Variants in NOL4 observed in about 807,000 individuals in gnomAD.
The protein encoded by NOL4 is nucleolar protein 4.
NOL4 carries 17 observed loss-of-function variants against 75.9 expected under a neutral mutation model. The ratio of observed to expected loss-of-function variants is 0.22; its 90% confidence interval spans 0.15 to 0.34. The LOEUF (loss-of-function observed/expected upper bound fraction) is 0.34, where lower values mean the gene tolerates loss of function less well. Among genes scored for constraint, NOL4 ranks in the 10% least tolerant of loss-of-function variants. The probability of loss-of-function intolerance (pLI) is 1.00; values close to 1 mark genes in which losing one functional copy is unlikely to be tolerated. For missense variants in NOL4, 614 were observed against 793.5 expected (o/e 0.77, Z 2.72); for synonymous variants, 292 against 289.9 (o/e 1.01, Z -0.07).
At chr18:33,855,998 C>A (rs534285823) in intron 10 of NOL4, among the ~76,000 whole-genome samples, 2 of 152,022 alleles carry the variant, frequency 1.3e-5, no homozygotes, top group South Asian at 2.1e-4. Context: ...AGTGTAAATT[C>A]TCTTTGAAAG....
At chr18:33,998,323 G>A (rs1005129518) in intron 6 of NOL4, among the ~76,000 whole-genome samples, 3 of 151,926 alleles carry the variant, frequency 2.0e-5, no homozygotes, top group African/African-American at 7.2e-5. Flanking sequence ...TGATGGAATG[G>A]GTTAGCCAAT....
At chr18:34,067,465 TAGG>T (rs1215315199) in intron 5 of NOL4, among the ~76,000 whole-genome samples, 2 of 152,062 alleles carry the variant, frequency 1.3e-5, no homozygotes, top group African/African-American at 2.4e-5. Context: ...TACTGTAGGA[TAGG>T]AAAAAATACA....
chr18:33,948,414 T>A (rs1410686448), intron 8 of NOL4, among the ~76,000 whole-genome samples: 1 of 152,026 alleles, frequency 6.6e-6, no homozygotes, highest in Non-Finnish European at 1.5e-5. Flanking sequence ...GTCCAGGTTA[T>A]ATACATATAT....
At chr18:33,911,030 A>C (rs2066365680) in intron 9 of NOL4, among the ~76,000 whole-genome samples, 1 of 152,088 alleles carries the variant, frequency 6.6e-6, no homozygotes, top group Admixed American at 6.6e-5. Flanking sequence ...TTGGGTGAGC[A>C]GGAATTTTAT....
At chr18:33,899,218 C>T (rs915498423) in intron 9 of NOL4, among the ~76,000 whole-genome samples, 1 of 152,060 alleles carries the variant, frequency 6.6e-6, no homozygotes, top group Non-Finnish European at 1.5e-5. Flanking sequence ...GCCTCCTAAG[C>T]CCCTCACTGG....
chr18:33,988,578 C>A (rs562039702), intron 6 of NOL4, among the ~76,000 whole-genome samples: 1 of 152,004 alleles, frequency 6.6e-6, no homozygotes, highest in Admixed American at 6.6e-5. Context: ...AGCATTCCCC[C>A]ACTGATTACT....
chr18:33,969,651 AC>A (rs751684901), intron 6 of NOL4, among the ~76,000 whole-genome samples: 1 of 151,964 alleles, frequency 6.6e-6, no homozygotes, highest in Non-Finnish European at 1.5e-5. Flanking sequence ...TTACTCATTT[AC>A]CATTTTGTAT....
intron 3 of NOL4, 24 bp downstream of exon 3, chr18:34,105,025 C>T: frequency 7.1e-7 from 1 of 1,411,300 alleles, no homozygotes; most frequent in Non-Finnish European, 1.0e-6. Flanking sequence ...TACTTTAAAT[C>T]TCACTATTTG....
chr18:34,045,938 AC>A (rs2076343994), intron 5 of NOL4, among the ~76,000 whole-genome samples: 1 of 152,192 alleles, frequency 6.6e-6, no homozygotes, highest in South Asian at 2.1e-4. Context: ...ACCATCAATC[AC>A]AATGGGCAGT....
chr18:34,198,131 A>G (rs1454547180), intron 1 of NOL4, among the ~76,000 whole-genome samples: 1 of 151,970 alleles, frequency 6.6e-6, no homozygotes, highest in Non-Finnish European at 1.5e-5. Flanking sequence ...ATAAAAATAC[A>G]TTGCATACAG....
At chr18:34,160,745 T>G (rs1438088691) in intron 1 of NOL4, among the ~76,000 whole-genome samples, 2 of 152,200 alleles carry the variant, frequency 1.3e-5, no homozygotes, top group Admixed American at 1.3e-4. Context: ...TTTATATATG[T>G]GTACAATGTG....
At chr18:34,019,694 T>A in intron 5 of NOL4, 93 bp from the exon 6 acceptor site, 12 of 994,468 alleles carry the variant, frequency 1.2e-5, no homozygotes, top group Non-Finnish European at 1.8e-5. Flanking sequence ...ATTATATGAA[T>A]GGCATTTTAC....
At chr18:33,888,942 A>T (rs1192183308) in intron 9 of NOL4, among the ~76,000 whole-genome samples, 1 of 152,032 alleles carries the variant, frequency 6.6e-6, no homozygotes, top group East Asian at 1.9e-4. Flanking sequence ...CGACATCCTA[A>T]CATCACTATT....
chr18:33,949,172 T>C (rs3786265), intron 8 of NOL4, among the ~76,000 whole-genome samples: 10 of 152,172 alleles, frequency 6.6e-5, no homozygotes, highest in Admixed American at 3.9e-4. Context: ...AACTGAAAAG[T>C]TCTAAATTCC....
chr18:34,104,966 C>A, intron 3 of NOL4, 83 bp downstream of exon 3: 1 of 852,366 alleles, frequency 1.2e-6, no homozygotes. Flanking sequence ...TTTCAGTCTA[C>A]CACGTTTTTA....
chr18:33,877,330 A>G (rs1023242957), intron 10 of NOL4, among the ~76,000 whole-genome samples: 3 of 151,736 alleles, frequency 2.0e-5, no homozygotes, highest in African/African-American at 7.3e-5. Flanking sequence ...CAAATTAAAA[A>G]TTAGCCAGGT....
chr18:33,960,633 G>T (rs1262866090), intron 6 of NOL4, among the ~76,000 whole-genome samples: 1 of 152,066 alleles, frequency 6.6e-6, no homozygotes, highest in Non-Finnish European at 1.5e-5. Flanking sequence ...CAGCTATTAT[G>T]CATCAGGCAC....
intron 5 of NOL4, among the ~76,000 whole-genome samples, chr18:34,044,540 G>T (rs996480617): frequency 1.4e-4 from 22 of 151,852 alleles, no homozygotes; most frequent in East Asian, 1.9e-4. Flanking sequence ...TACATGACAA[G>T]TTTTCATATA....
chr18:33,880,965 C>T (rs1038203203), intron 10 of NOL4, among the ~76,000 whole-genome samples: 9 of 151,942 alleles, frequency 5.9e-5, no homozygotes, highest in Non-Finnish European at 1.0e-4. Context: ...CAGATTCTCA[C>T]GGACTATTCT....
Sources: allele counts gnomAD v4.1 joint callset (sites outside exome capture counted in the v4.1 genomes callset), GRCh38; gene constraint gnomAD v4.1.1; transcripts MANE v1.5; gene names NCBI Gene and HGNC (gene_info 2026-07-23, HGNC 2026-07-21).